MEAK7: variants seen among roughly 807,000 people sequenced by gnomAD.
MEAK7 encodes the protein MTOR-associated protein MEAK7.
MEAK7 carries 68 observed loss-of-function variants against 40.5 expected under a neutral mutation model. The ratio of observed to expected loss-of-function variants is 1.68; its 90% CI spans 1.38 to 2.06. MEAK7 has a LOEUF of 2.06. MEAK7 is among the 30% of genes most tolerant of loss of function. The pLI is 0.00. For synonymous variants in MEAK7, 338 were observed against 231.9 expected, an observed-to-expected ratio of 1.46 and a Z score of -4.16; for missense variants, 918 against 580.5, an observed-to-expected ratio of 1.58 and a Z score of -5.98.
Position 84,478,832 on chromosome 16 carries a change from C to A in MEAK7, c.*1081G>T, listed in dbSNP as rs901864884. 1 of 152,234 alleles carries A rather than the reference C, an allele frequency of 6.6e-6. No homozygotes were observed. The highest frequency in any genetic ancestry group is 2.4e-5 in the African/African-American group (1 of 41,434). The allele number at this position is 152,234 out of a possible 1,614,324, so 9.4% of individuals were successfully genotyped here. On this transcript the variant is annotated 3_prime_UTR_variant, in exon 8 of 8. Coordinates refer to ENST00000343629, the MANE Select transcript of MEAK7 (RefSeq NM_020947.4). Reference sequence around the variant, plus strand: ...GGTTCCCAGAGATCTAGAACCCAGGCCAGCACCGAGGCCTAGACAGCTGTG... The same window carrying A: ...GGTTCCCAGAGATCTAGAACCCAGGACAGCACCGAGGCCTAGACAGCTGTG...
intron 5 of MEAK7, 71 bp downstream of exon 5, chr16:84,486,560 C>A: frequency 6.6e-7 from 1 of 1,517,386 alleles, no homozygotes; most frequent in Non-Finnish European, 8.8e-7. Flanking sequence ...AGCACCCCCA[C>A]CCTCTCCCTT....
Position 84,480,537 on chromosome 16 carries a change from C to T in MEAK7, c.1249G>A (p.Glu417Lys). 1 of 1,609,588 alleles carries T rather than the reference C, an allele frequency of 6.2e-7. No individual in the cohort carries two copies. The highest frequency in any genetic ancestry group is 1.1e-5 in the South Asian group (1 of 90,356). Residue 417 changes from glutamate to lysine, a missense_variant, in exon 7 of 8, where the codon GAG becomes AAG. Glu to Lys is a moderately conservative substitution (Grantham distance 56). Coordinates refer to ENST00000343629, the MANE Select transcript of MEAK7 (RefSeq NM_020947.4). ...EVWAVGDPSE[E>K]QLAKGNKSIL... is the part of the protein sequence containing the mutation. ...AGGACAGCTCCACTCACCAACTGCTCCTCTGAGGGGTCTCCAACCGCCCAC... is the reference window on the plus strand; with the variant it reads ...AGGACAGCTCCACTCACCAACTGCTTCTCTGAGGGGTCTCCAACCGCCCAC...
At chr16:84,487,131 GATCAGTGTGGGAGCCACGAGTCACA>G in intron 4 of MEAK7, 72 bp from the exon 5 acceptor site, 1 of 1,470,676 alleles carries the variant, frequency 6.8e-7, no homozygotes, top group Non-Finnish European at 9.1e-7. Flanking sequence ...AACCCACACT[GATCAGTGTGGGAGCCACGAGTCACA>G]TGCAATTACT....
At chr16:84,480,738 A>T (rs547835377) in intron 6 of MEAK7, 30 bp from the exon 7 acceptor site, 45 of 1,584,566 alleles carry the variant, frequency 2.8e-5, no homozygotes, top group Non-Finnish European at 2.6e-6. Flanking sequence ...AGAGAATAGC[A>T]TCAGCAACTC....
At chr16:84,483,815 C>T (rs1439194623) in intron 5 of MEAK7, among the ~76,000 whole-genome samples, 1 of 152,146 alleles carries the variant, frequency 6.6e-6, no homozygotes. Flanking sequence ...GAGAAGGGAT[C>T]CCATGAGGAC....
In MEAK7 at chr16:84,476,605, C is replaced by T. The variant is rs543967552; in HGVS notation, c.*3308G>A. The T allele has an allele frequency of 2.0e-5, 3 of 152,092 alleles. No homozygotes were observed. The highest frequency in any genetic ancestry group is 6.5e-5 in the Admixed American group (1 of 15,274). The allele number at this position is 152,092 out of a possible 1,614,324, so 9.4% of individuals were successfully genotyped here. On this transcript the variant is annotated 3_prime_UTR_variant, in exon 8 of 8. Coordinates refer to ENST00000343629, the MANE Select transcript of MEAK7 (RefSeq NM_020947.4). The stretch of plus-strand genomic sequence containing the variant: ...AAACAAAATGTTCCCCAGCTGCAGA[C>T]GGTGGAACGCTAGGCCCGAGAGCAT...
chr16:84,498,450 T>G (rs1368217541), intron 1 of MEAK7, among the ~76,000 whole-genome samples: 1 of 151,540 alleles, frequency 6.6e-6, no homozygotes, highest in Non-Finnish European at 1.5e-5. Flanking sequence ...TTTTTTTTTG[T>G]CTTCTGTAGA....
At chr16:84,491,839 AAAAAAAAAAAAG>A (rs1913644791) in intron 3 of MEAK7, among the ~76,000 whole-genome samples, 2 of 150,226 alleles carry the variant, frequency 1.3e-5, no homozygotes, top group East Asian at 1.9e-4. Context: ...TCCGTCTCAA[AAAAAAAAAAAAG>A]AAAAGAAAAA....
chr16:84,494,784 C>G (rs1440420912), intron 3 of MEAK7: 3 of 455,418 alleles, frequency 6.6e-6, no homozygotes, highest in South Asian at 1.6e-5. Context: ...CAGACAAAAC[C>G]CAAGCCCTGA....
At position 84,489,273 on chromosome 16, in the gene MEAK7, C is replaced by A. The variant is rs451574; in HGVS notation, c.529+5G>T. On this transcript the variant is annotated splice_donor_5th_base_variant and intron_variant, in intron 4 of 7. Coordinates refer to ENST00000343629, the MANE Select transcript of MEAK7 (RefSeq NM_020947.4). ...ACCTGCATCACCGCGTCCACGCACA[C>A]TTGCCTTGCAGCTTCATGTCAGAGA... 1 of 1,613,886 alleles carries A rather than the reference C, an allele frequency of 6.2e-7. No individual in the cohort carries two copies. The highest frequency in any genetic ancestry group is 8.5e-7 in the Non-Finnish European group (1 of 1,179,852).
intron 1 of MEAK7, among the ~76,000 whole-genome samples, chr16:84,503,240 G>C (rs370452348): frequency 1.3e-3 from 203 of 152,276 alleles, no homozygotes; most frequent in African/African-American, 4.5e-3. Context: ...GAAAGCTTAT[G>C]AATTTGTGTT....
chr16:84,497,513 C>G, intron 2 of MEAK7: 1 of 1,290,450 alleles, frequency 7.7e-7, no homozygotes, highest in Non-Finnish European at 1.0e-6. Flanking sequence ...CTCCCCATCT[C>G]TGGGAGGGCA....
rs1353455736 is a variant in MEAK7 at position 84,497,944 on chromosome 16, T to C, written c.143A>G (p.Lys48Arg). Residue 48 changes from lysine (K) to arginine (R), a missense_variant, in exon 2 of 8, where the codon AAG becomes AGG. Physicochemically the swap from Lys to Arg is conservative, Grantham distance 26 (BLOSUM62 2). Transcript: ENST00000343629. The part of the protein sequence containing the change: ...PNVSSKSFSL[K>R]ALQNHVGEAL... ...GGTTGTTACTCTTGCCTGTAGTGCC[T>C]TCAGAGAGAAGGATTTGGATGAGAC... The C allele has an allele frequency of 2.5e-6, 4 of 1,614,092 alleles. No homozygotes were observed. The highest frequency in any genetic ancestry group is 3.4e-6 in the Non-Finnish European group (4 of 1,180,054).
intron 1 of MEAK7, chr16:84,504,079 T>C: frequency 1.0e-6 from 1 of 985,548 alleles, no homozygotes; most frequent in Non-Finnish European, 1.2e-6. Context: ...GAAGTTCCTG[T>C]GGGCCAGAAG....
intron 6 of MEAK7, among the ~76,000 whole-genome samples, 173 bp downstream of exon 6, chr16:84,482,419 C>T (rs1007432631): frequency 1.3e-5 from 2 of 152,212 alleles, no homozygotes; most frequent in African/African-American, 4.8e-5. Flanking sequence ...AACCCTGGCC[C>T]AGCTGTCACT....
intron 5 of MEAK7, 114 bp downstream of exon 5, chr16:84,486,517 G>A (rs762661331): frequency 6.1e-6 from 9 of 1,468,928 alleles, no homozygotes; most frequent in Admixed American, 5.4e-5. Context: ...TGCGTCTAGA[G>A]AAACACTTGG....
intron 1 of MEAK7, among the ~76,000 whole-genome samples, chr16:84,501,660 G>A (rs71386846): frequency 3.9e-5 from 6 of 152,116 alleles, no homozygotes; most frequent in Non-Finnish European, 7.4e-5. Flanking sequence ...CAGGAGAGAG[G>A]AGGTTGCATG....
At chr16:84,496,353 T>C (rs1216061727) in intron 2 of MEAK7, among the ~76,000 whole-genome samples, 1 of 152,168 alleles carries the variant, frequency 6.6e-6, no homozygotes, top group Non-Finnish European at 1.5e-5. Context: ...TCCTCCAGCC[T>C]CTGCATATAT....
Position 84,479,400 on chromosome 16 carries a change from GCGGAA to G in MEAK7, c.*508_*512del, listed in dbSNP as rs1383504149. On this transcript the variant is annotated 3_prime_UTR_variant, in exon 8 of 8. Coordinates refer to ENST00000343629, the MANE Select transcript of MEAK7 (RefSeq NM_020947.4). Reference sequence around the variant, plus strand: ...TGAGATCCCAGCAATGCTAATGCCAGCGGAATTCCCTAATGCCAGCGGAATTCCCT... The same window carrying G: ...TGAGATCCCAGCAATGCTAATGCCAGTTCCCTAATGCCAGCGGAATTCCCT... 6.7e-6 allele frequency: 1 copy of G among 148,494 alleles called. No individual in the cohort carries two copies. The highest frequency in any genetic ancestry group is 2.5e-5 in the African/African-American group (1 of 39,936). The allele number at this position is 148,494 out of a possible 1,614,324, so 9.2% of individuals were successfully genotyped here.
Sources: allele counts gnomAD v4.1 joint callset (sites outside exome capture counted in the v4.1 genomes callset), GRCh38; gene constraint gnomAD v4.1.1; transcripts MANE v1.5; gene names NCBI Gene and HGNC (gene_info 2026-07-23, HGNC 2026-07-21).